Variants in CADPS observed in about 807,000 individuals in gnomAD.
The protein encoded by CADPS is calcium-dependent secretion activator 1.
A neutral mutation model predicts 167.3 loss-of-function variants in CADPS; 57 were observed. That is an observed-to-expected ratio of 0.34 (90% CI 0.28 to 0.42). CADPS has a LOEUF of 0.42. Among genes scored for constraint, CADPS ranks in the 20% least tolerant of loss-of-function variants. The pLI, the probability that CADPS is intolerant of heterozygous loss-of-function variation, is 1.00. For missense variants in CADPS, 1,414 were observed against 1,738.1 expected, an observed-to-expected ratio of 0.81 and a Z score of 3.32; for synonymous variants, 676 against 635.3, an observed-to-expected ratio of 1.06 and a Z score of -0.96.
chr3:62,649,232 T>G (rs1043116786), intron 5 of CADPS, among the ~76,000 whole-genome samples: 1 of 152,126 alleles, frequency 6.6e-6, no homozygotes, highest in East Asian at 1.9e-4. Context: ...ATAAGAAGCA[T>G]GTAGGGGCTG....
chr3:62,793,822 G>C (rs993126892), intron 1 of CADPS, among the ~76,000 whole-genome samples: 1 of 152,158 alleles, frequency 6.6e-6, no homozygotes, highest in Non-Finnish European at 1.5e-5. Context: ...TGATGATTTT[G>C]TTCCTCAAAA....
intron 1 of CADPS, among the ~76,000 whole-genome samples, chr3:62,826,664 G>A (rs2074099476): frequency 6.6e-6 from 1 of 152,062 alleles, no homozygotes; most frequent in African/African-American, 2.4e-5. Context: ...TCATGACACA[G>A]GGGGCTTTCA....
At chr3:62,727,593 G>A (rs549137127) in intron 3 of CADPS, among the ~76,000 whole-genome samples, 1 of 151,970 alleles carries the variant, frequency 6.6e-6, no homozygotes, top group Admixed American at 6.5e-5. Flanking sequence ...GCCCTTTTAA[G>A]GAGGCACCTG....
At chr3:62,538,089 G>A (rs1371908342) in intron 11 of CADPS, among the ~76,000 whole-genome samples, 3 of 152,068 alleles carry the variant, frequency 2.0e-5, no homozygotes, top group Non-Finnish European at 2.9e-5. Context: ...GATATCACAT[G>A]TGCAGGAATT....
intron 1 of CADPS, among the ~76,000 whole-genome samples, chr3:62,771,881 G>C (rs1289828096): frequency 6.6e-6 from 1 of 152,200 alleles, no homozygotes; most frequent in African/African-American, 2.4e-5. Flanking sequence ...GTGATCTGCA[G>C]TGAGGAGAAA....
chr3:62,829,097 T>C (rs17357618), intron 1 of CADPS, among the ~76,000 whole-genome samples: 30,708 of 152,114 alleles, frequency 0.2, 3,451 homozygotes, highest in Middle Eastern at 0.35. Flanking sequence ...ACCTGATGAC[T>C]AATGGTTTAA....
At chr3:62,628,560 C>T (rs1486892594) in intron 6 of CADPS, among the ~76,000 whole-genome samples, 1 of 151,226 alleles carries the variant, frequency 6.6e-6, no homozygotes, top group African/African-American at 2.4e-5. Flanking sequence ...TCCTGTTTTG[C>T]CCCTACTGCT....
chr3:62,535,084 T>C (rs1261310488), intron 12 of CADPS, among the ~76,000 whole-genome samples: 1 of 152,086 alleles, frequency 6.6e-6, no homozygotes, highest in East Asian at 1.9e-4. Context: ...ATAGTAATTA[T>C]ATATAAAAGG....
chr3:62,584,925 C>T (rs1295142495), intron 8 of CADPS, among the ~76,000 whole-genome samples: 3 of 152,092 alleles, frequency 2.0e-5, no homozygotes, highest in Non-Finnish European at 4.4e-5. Context: ...TAGCATGCTG[C>T]TAGGAAAGTT....
intron 3 of CADPS, among the ~76,000 whole-genome samples, chr3:62,684,568 G>C (rs751714902): frequency 2.8e-4 from 42 of 152,034 alleles, no homozygotes; most frequent in Non-Finnish European, 6.0e-4. Context: ...AATGGTTAGG[G>C]AGTTTAAGTG....
At chr3:62,687,553 C>A (rs17356543) in intron 3 of CADPS, among the ~76,000 whole-genome samples, 1 of 151,764 alleles carries the variant, frequency 6.6e-6, no homozygotes, top group South Asian at 2.1e-4. Context: ...TTGTGAGACC[C>A]CAGGGTACCA....
At chr3:62,425,151 C>T in intron 28 of CADPS, among the ~76,000 whole-genome samples, 1 of 152,130 alleles carries the variant, frequency 6.6e-6, no homozygotes, top group East Asian at 1.9e-4. Context: ...TTGTAAGATA[C>T]AAAGTAGGAA....
At chr3:62,665,948 C>T (rs1336495828) in intron 3 of CADPS, among the ~76,000 whole-genome samples, 2 of 152,122 alleles carry the variant, frequency 1.3e-5, no homozygotes, top group Non-Finnish European at 2.9e-5. Flanking sequence ...GGCTGCTGCT[C>T]CTTGTGTTGT....
At chr3:62,854,722 A>G (rs1462874843) in intron 1 of CADPS, among the ~76,000 whole-genome samples, 2 of 152,354 alleles carry the variant, frequency 1.3e-5, no homozygotes, top group East Asian at 1.9e-4. Context: ...AATGTAAAAC[A>G]TCTACATTGA....
intron 21 of CADPS, among the ~76,000 whole-genome samples, chr3:62,489,744 A>G (rs976811694): frequency 6.6e-6 from 1 of 152,210 alleles, no homozygotes; most frequent in Non-Finnish European, 1.5e-5. Flanking sequence ...TGTTATTTCA[A>G]GACCATTGTT....
intron 6 of CADPS, among the ~76,000 whole-genome samples, chr3:62,621,292 C>T (rs1203073941): frequency 6.6e-6 from 1 of 151,870 alleles, no homozygotes; most frequent in Non-Finnish European, 1.5e-5. Flanking sequence ...AATGCTGGTC[C>T]GTGAAGCTGC....
Position 62,405,140 on chromosome 3 carries a change from G to A in CADPS, c.3778-1955C>T, listed in dbSNP as rs115429296. 2.7e-3 allele frequency among the ~76,000 whole-genome samples: 393 copies of A among 145,614 alleles called. 2 individuals carry two copies. The highest frequency in any genetic ancestry group is 3.6e-3 in the Non-Finnish European group (240 of 66,512). ...GGTTGTAGCTGACATGTAATCTGGGGGGGGGGGGGGCTCAACAGATCTATT... is the reference window on the plus strand; with the variant it reads ...GGTTGTAGCTGACATGTAATCTGGGAGGGGGGGGGGCTCAACAGATCTATT... On this transcript the variant is annotated intron_variant, in intron 28 of 29. Transcript: ENST00000383710.
chr3:62,435,037 T>C (rs1191138199), intron 28 of CADPS, among the ~76,000 whole-genome samples: 2 of 152,080 alleles, frequency 1.3e-5, no homozygotes, highest in Non-Finnish European at 2.9e-5. Context: ...CAGCAAACAA[T>C]CTCGGAGATA....
chr3:62,541,692 T>C (rs1240462329), intron 11 of CADPS, among the ~76,000 whole-genome samples: 1 of 152,198 alleles, frequency 6.6e-6, no homozygotes, highest in African/African-American at 2.4e-5. Context: ...TAATCTACTT[T>C]ATTAAAATTC....
Sources: allele counts gnomAD v4.1 joint callset (sites outside exome capture counted in the v4.1 genomes callset), GRCh38; gene constraint gnomAD v4.1.1; transcripts MANE v1.5; gene names NCBI Gene and HGNC (gene_info 2026-07-23, HGNC 2026-07-21).